The following GJC1 variants were observed in gnomAD, a reference collection of about 807,000 sequenced individuals.
GJC1 encodes gap junction protein gamma 1.
In GJC1, 5 loss-of-function variants were observed where a neutral mutation model predicts 29.3. The observed-to-expected ratio is 0.17, with a 90% confidence interval of 0.09 to 0.36. The LOEUF is 0.36. Ranked by LOEUF, GJC1 falls within the 10% of genes least tolerant of loss-of-function variation. GJC1 has a pLI of 1.00. For missense variants in GJC1, 310 were observed against 496.2 expected (o/e 0.62, Z 3.56); for synonymous variants, 177 against 183.3 (o/e 0.97, Z 0.28).
chr17:44,798,795 A>C lies in GJC1; in HGVS notation c.*5832T>G, dbSNP rs1222819743. ...AAGAGATTTTTTTAAAACACAATTG[A>C]GAGTATAATACAGAAAAACATTTAA... On this transcript the variant is annotated 3_prime_UTR_variant, in exon 3 of 3. Coordinates refer to ENST00000592524, the MANE Select transcript of GJC1 (RefSeq NM_005497.4). 6.6e-6 allele frequency: 1 copy of C among 152,204 alleles called. No homozygotes were observed. Among genetic ancestry groups the C allele is most frequent in the Non-Finnish European group, 1.5e-5 (1 of 68,038 alleles). The allele number at this position is 152,204 out of a possible 1,614,324, so 9.4% of individuals were successfully genotyped here.
chr17:44,817,070 G>A (rs750368231), intron 1 of GJC1, among the ~76,000 whole-genome samples: 4 of 151,472 alleles, frequency 2.6e-5, no homozygotes, highest in African/African-American at 7.3e-5. Context: ...TTAGCCAGGC[G>A]TGGTGGTGCA....
rs112621219 is a variant in GJC1, at chr17:44,820,341, A to G, written c.-97+9721T>C. Among the ~76,000 whole-genome samples the G allele has an allele frequency of 4.2e-3, 636 of 152,354 alleles. 3 individuals are homozygous for G. Among genetic ancestry groups the G allele is most frequent in the African/African-American group, 0.014 (596 of 41,594 alleles). On this transcript the variant is annotated intron_variant, in intron 1 of 2. Coordinates refer to ENST00000592524, the MANE Select transcript of GJC1 (RefSeq NM_005497.4). ...AGGCAAGAGATTCTAATCCCAGAATATAATCCATGCACTTCAGGAATAAGT... is the reference window on the plus strand; with the variant it reads ...AGGCAAGAGATTCTAATCCCAGAATGTAATCCATGCACTTCAGGAATAAGT...
intron 1 of GJC1, among the ~76,000 whole-genome samples, chr17:44,817,368 A>G (rs1210512381): frequency 1.3e-5 from 2 of 151,618 alleles, no homozygotes; most frequent in African/African-American, 4.8e-5. Context: ...GGAATTATGT[A>G]CAGGTTCTAT....
intron 1 of GJC1, among the ~76,000 whole-genome samples, chr17:44,823,949 G>C (rs2050141282): frequency 6.6e-6 from 1 of 151,880 alleles, no homozygotes; most frequent in Non-Finnish European, 1.5e-5. Context: ...CTGATCTCAT[G>C]ACCTGCCCAC....
chr17:44,804,609 G>C lies in GJC1; in HGVS notation c.*18C>G. The C allele has an allele frequency of 3.2e-6, 5 of 1,572,190 alleles. No homozygotes were observed. Among genetic ancestry groups the C allele is most frequent in the Non-Finnish European group, 4.4e-6 (5 of 1,148,900 alleles). On this transcript the variant is annotated 3_prime_UTR_variant, in exon 3 of 3. Transcript: ENST00000592524. The stretch of plus-strand genomic sequence containing the variant: ...TTACCATAAACTATGAAAAGCACAG[G>C]TTTTAAGCCCGCCAGGATTAAATCC...
rs578242311 is a variant in GJC1 at position 44,800,333 on chromosome 17, C to G, written c.*4294G>C. ...CCATGTTGGCCAGGCTGGTCTCAAA[C>G]TCCTGACCTTGTGATTCGCCCACCT... On this transcript the variant is annotated 3_prime_UTR_variant, in exon 3 of 3. Transcript: ENST00000592524. 1 of 152,304 alleles carries G rather than the reference C, an allele frequency of 6.6e-6. No individual in the cohort carries two copies. Among genetic ancestry groups the G allele is most frequent in the African/African-American group, 2.4e-5 (1 of 41,558 alleles). 9.4% of individuals were successfully genotyped at this position (152,304 alleles called of 1,614,324 possible).
intron 1 of GJC1, among the ~76,000 whole-genome samples, chr17:44,819,603 A>C (rs527258811): frequency 6.6e-6 from 1 of 152,026 alleles, no homozygotes; most frequent in African/African-American, 2.4e-5. Flanking sequence ...GCTTGCAGTG[A>C]GCCGAGATCA....
rs1343537518 is a variant in GJC1 at position 44,803,495 on chromosome 17, C to T, written c.*1132G>A. On this transcript the variant is annotated 3_prime_UTR_variant, in exon 3 of 3. Coordinates refer to ENST00000592524, the MANE Select transcript of GJC1 (RefSeq NM_005497.4). ...CCATGACCTTTCAGGCATAAACCTC[C>T]ACTGGCAGAAGTAAGAATTTAATCA... is the stretch of plus-strand genomic sequence containing the variant. The T allele has an allele frequency of 6.6e-6, 1 of 152,186 alleles. No homozygotes were observed. The highest frequency in any genetic ancestry group is 1.5e-5 in the Non-Finnish European group (1 of 68,032). The allele number at this position is 152,186 out of a possible 1,614,324, so 9.4% of individuals were successfully genotyped here. A position where few individuals can be genotyped will look rare whatever the true frequency, so the allele number is the denominator to read the frequency against.
At chr17:44,823,025 A>ACGTT (rs2050129853) in intron 1 of GJC1, among the ~76,000 whole-genome samples, 1 of 152,186 alleles carries the variant, frequency 6.6e-6, no homozygotes, top group Non-Finnish European at 1.5e-5. Context: ...TCTAATTTGA[A>ACGTT]CGTTCCCAAA....
At chr17:44,815,535 C>T (rs373630519) in intron 1 of GJC1, among the ~76,000 whole-genome samples, 8 of 152,194 alleles carry the variant, frequency 5.3e-5, no homozygotes, top group East Asian at 3.9e-4. Context: ...ACTTCACCTC[C>T]ACCTCTTCAG....
chr17:44,804,995 A>C lies in GJC1; in HGVS notation c.823T>G (p.Tyr275Asp). ...GTATTCCAAGTGAAAGGATAATTATAAGCACCCGGATCCTCAAGTTCCCTC... is the reference window on the plus strand; with the variant it reads ...GTATTCCAAGTGAAAGGATAATTATCAGCACCCGGATCCTCAAGTTCCCTC... ...KRRELEDPGA[Y>D]NYPFTWNTPS... Residue 275 changes from tyrosine (Y) to aspartate (D), a missense_variant, in exon 3 of 3, where the codon TAT (tyrosine) becomes GAT (aspartate). Transcript: ENST00000592524. 1 of 1,613,946 alleles carries C rather than the reference A, an allele frequency of 6.2e-7. No individual in the cohort carries two copies. The highest frequency in any genetic ancestry group is 8.5e-7 in the Non-Finnish European group (1 of 1,179,946).
intron 1 of GJC1, among the ~76,000 whole-genome samples, chr17:44,809,000 G>A (rs2049943740): frequency 1.3e-5 from 2 of 152,230 alleles, no homozygotes; most frequent in South Asian, 4.1e-4. Context: ...CTTGAACCTG[G>A]GAGGGGGAGG....
chr17:44,812,118 T>C (rs1187888696), intron 1 of GJC1, among the ~76,000 whole-genome samples: 1 of 151,768 alleles, frequency 6.6e-6, no homozygotes. Flanking sequence ...ATTGAGACCA[T>C]CCTGGCCAAC....
chr17:44,816,061 C>T (rs374704014), intron 1 of GJC1, among the ~76,000 whole-genome samples: 16 of 133,176 alleles, frequency 1.2e-4, no homozygotes, highest in African/African-American at 4.5e-4. Flanking sequence ...TGCAGTGAGC[C>T]GAGATCGTGC....
At chr17:44,796,898 C>T (rs886903419), downstream of GJC1, among the ~76,000 whole-genome samples, 8 of 151,964 alleles carry the variant, frequency 5.3e-5, no homozygotes, top group East Asian at 1.9e-4. Flanking sequence ...TCCAGGGTGG[C>T]GTGCAGTGGC....
At chr17:44,808,180 T>C (rs2145311184) in intron 1 of GJC1, among the ~76,000 whole-genome samples, 1 of 151,620 alleles carries the variant, frequency 6.6e-6, no homozygotes, top group Admixed American at 6.6e-5. Context: ...TATGTGTTTA[T>C]AGTAACTTAA....
At chr17:44,798,214 C>G (rs1362722916), downstream of GJC1, among the ~76,000 whole-genome samples, 1 of 152,194 alleles carries the variant, frequency 6.6e-6, no homozygotes, top group Non-Finnish European at 1.5e-5. Context: ...TGAAAAAAGG[C>G]ATCTTTTAAG....
At position 44,802,177 on chromosome 17, in the gene GJC1, A is replaced by T. The variant is rs1193783904; in HGVS notation, c.*2450T>A. ...TCATCAAAACAGGCCAAGATGAAAC[A>T]CCAGGGGCACTCTTCACAGAAATTA... On this transcript the variant is annotated 3_prime_UTR_variant, in exon 3 of 3. Transcript: ENST00000592524. The T allele has an allele frequency of 6.6e-6, 1 of 152,190 alleles. No homozygotes were observed. Among genetic ancestry groups the T allele is most frequent in the African/African-American group, 2.4e-5 (1 of 41,454 alleles). 9.4% of individuals were successfully genotyped at this position (152,190 alleles called of 1,614,324 possible).
At chr17:44,827,722 G>C (rs916018137) in intron 1 of GJC1, among the ~76,000 whole-genome samples, 13 of 152,240 alleles carry the variant, frequency 8.5e-5, no homozygotes, top group Admixed American at 8.5e-4. Flanking sequence ...CACAAGGTCA[G>C]GAGATCGGGA....
Sources: allele counts gnomAD v4.1 joint callset (sites outside exome capture counted in the v4.1 genomes callset), GRCh38; gene constraint gnomAD v4.1.1; transcripts MANE v1.5; gene names NCBI Gene and HGNC (gene_info 2026-07-23, HGNC 2026-07-21).